Variants in GLCE observed in about 807,000 individuals in gnomAD.
The protein encoded by GLCE is glucuronic acid epimerase, also known as D-glucuronyl C5-epimerase.
In GLCE, 19 loss-of-function variants were observed where a neutral mutation model predicts 47.9. The observed-to-expected ratio is 0.40, with a 90% confidence interval of 0.28 to 0.58. GLCE has a LOEUF of 0.58. Ranked by LOEUF, GLCE falls within the 20% of genes least tolerant of loss-of-function variation. GLCE has a pLI of 0.48. For missense variants in GLCE, 556 were observed against 743.3 expected, an observed-to-expected ratio of 0.75 and a Z score of 2.93; for synonymous variants, 245 against 263.4, an observed-to-expected ratio of 0.93 and a Z score of 0.68.
chr15:69,229,698 C>G (rs1229234360), intron 2 of GLCE, among the ~76,000 whole-genome samples: 1 of 150,010 alleles, frequency 6.7e-6, no homozygotes, highest in African/African-American at 2.5e-5. Context: ...AAATTACTTA[C>G]CCAACAATGA....
chr15:69,209,835 C>T (rs1360263296), intron 1 of GLCE, among the ~76,000 whole-genome samples: 1 of 152,106 alleles, frequency 6.6e-6, no homozygotes, highest in African/African-American at 2.4e-5. Flanking sequence ...GGATTCACCA[C>T]ATCCTCTTGG....
At chr15:69,166,526 A>G (rs1308673424) in intron 1 of GLCE, among the ~76,000 whole-genome samples, 1 of 152,208 alleles carries the variant, frequency 6.6e-6, no homozygotes, top group Non-Finnish European at 1.5e-5. Flanking sequence ...ATGAGGAAGC[A>G]CACATGCAAG....
At position 69,269,802 on chromosome 15, in the gene GLCE, G is replaced by T. The variant is rs913666428; in HGVS notation, c.*558G>T. On this transcript the variant is annotated 3_prime_UTR_variant, in exon 5 of 5. Transcript: ENST00000261858. Reference sequence around the variant, plus strand: ...ATTTGTTGCATTTGTTCAATTTGTTGTATATGGTGAATATTTAATTATGGT... The same window carrying T: ...ATTTGTTGCATTTGTTCAATTTGTTTTATATGGTGAATATTTAATTATGGT... 4 of 152,610 alleles carry T rather than the reference G, an allele frequency of 2.6e-5. No homozygotes were observed. The highest frequency in any genetic ancestry group is 1.3e-4 in the Admixed American group (2 of 15,274). 9.5% of individuals were successfully genotyped at this position (152,610 alleles called of 1,614,324 possible).
intron 3 of GLCE, among the ~76,000 whole-genome samples, chr15:69,257,214 T>C (rs898655558): frequency 2.6e-5 from 4 of 152,226 alleles, no homozygotes; most frequent in Non-Finnish European, 4.4e-5. Context: ...ACCGAAGGAT[T>C]ATAGCCCACT....
chr15:69,204,330 T>A (rs1306442825), intron 1 of GLCE, among the ~76,000 whole-genome samples: 1 of 144,414 alleles, frequency 6.9e-6, no homozygotes, highest in Non-Finnish European at 1.5e-5. Flanking sequence ...TCACCCAGGC[T>A]GGAGTGCAGT....
intron 2 of GLCE, among the ~76,000 whole-genome samples, chr15:69,250,538 C>T (rs376493198): frequency 2.0e-5 from 3 of 151,842 alleles, no homozygotes; most frequent in East Asian, 1.9e-4. Flanking sequence ...GACAGGATCT[C>T]GCTGTGTTGC....
chr15:69,241,298 C>T (rs933816624), intron 2 of GLCE, among the ~76,000 whole-genome samples: 1 of 152,176 alleles, frequency 6.6e-6, no homozygotes, highest in Admixed American at 6.5e-5. Flanking sequence ...GATGAAGAAG[C>T]AACACATATT....
intron 1 of GLCE, chr15:69,196,924 T>C: frequency 5.1e-6 from 1 of 195,790 alleles, no homozygotes. Context: ...AGCTTGGTGG[T>C]TGGACTGAGA....
intron 4 of GLCE, among the ~76,000 whole-genome samples, chr15:69,263,755 G>A (rs1333323577): frequency 6.6e-6 from 1 of 151,946 alleles, no homozygotes; most frequent in Non-Finnish European, 1.5e-5. Flanking sequence ...TTCTCTTGGT[G>A]TTTCTTAAGA....
intron 1 of GLCE, among the ~76,000 whole-genome samples, chr15:69,181,888 G>A (rs954053585): frequency 6.6e-6 from 1 of 151,798 alleles, no homozygotes; most frequent in Non-Finnish European, 1.5e-5. Flanking sequence ...GGTAGTGGTG[G>A]TTAATGGGGA....
rs536728000 is a variant in GLCE, at chr15:69,244,289, A to G, written c.-13-11505A>G. ...ATGACTCTCATTTCTGTCCCTTTCT[A>G]ATATTAATATGGCATTTAATTATAC... On this transcript the variant is annotated intron_variant, in intron 2 of 4. Coordinates refer to ENST00000261858, the MANE Select transcript of GLCE (RefSeq NM_015554.3). Among the ~76,000 whole-genome samples the G allele has an allele frequency of 1.8e-4, 27 of 152,308 alleles. No homozygotes were observed. In the East Asian group the frequency reaches 4.4e-3, roughly 25 times the overall value.
In GLCE at chr15:69,226,491, G is replaced by A. The variant is rs149528469; in HGVS notation, c.-14+16085G>A. Among the ~76,000 whole-genome samples, 355 of 152,190 alleles carry A rather than the reference G, an allele frequency of 2.3e-3. 4 individuals carry two copies. Among genetic ancestry groups the A allele is most frequent in the Non-Finnish European group, 3.5e-3 (239 of 68,000 alleles). ...CAATTAGTCACTCCTAAAATGTAGC[G>A]TTTTTACTTTGTCCATAGTGTTTAT... On this transcript the variant is annotated intron_variant, in intron 2 of 4. Coordinates refer to ENST00000261858, the MANE Select transcript of GLCE (RefSeq NM_015554.3).
intron 2 of GLCE, 39 bp from the exon 3 acceptor site, chr15:69,255,755 T>C: frequency 2.5e-6 from 3 of 1,196,562 alleles, no homozygotes; most frequent in East Asian, 2.4e-5. Context: ...ATGCCGGTAG[T>C]ACATCTTTGC....
chr15:69,160,984 G>T lies in GLCE; in HGVS notation c.-105+227G>T, dbSNP rs1192522854. ...GTGTAGCGGGTGCCGGAGCTCCCGA[G>T]GTGAGGGGGCAATGTATTAGGGATC... On this transcript the variant is annotated intron_variant, in intron 1 of 4. Coordinates refer to ENST00000261858, the MANE Select transcript of GLCE (RefSeq NM_015554.3). This position sits in a 1 kb window ranked among gnomAD's most constrained non-coding sequence, Gnocchi z 4.2. Among the ~76,000 whole-genome samples, 1 of 151,960 alleles carries T rather than the reference G, an allele frequency of 6.6e-6. No homozygotes were observed. The highest frequency in any genetic ancestry group is 1.5e-5 in the Non-Finnish European group (1 of 67,926).
chr15:69,209,068 G>A (rs572327262), intron 1 of GLCE, among the ~76,000 whole-genome samples: 14 of 151,848 alleles, frequency 9.2e-5, no homozygotes, highest in Non-Finnish European at 1.0e-4. Context: ...AGCTCATTTA[G>A]TGAGCTTTTT....
chr15:69,219,394 A>AT (rs541627778), intron 2 of GLCE, among the ~76,000 whole-genome samples: 9 of 151,988 alleles, frequency 5.9e-5, no homozygotes, highest in Non-Finnish European at 1.2e-4. Context: ...ATAATTTAAT[A>AT]TTTTTTTTAA....
At chr15:69,195,188 T>TGGGAAATGTGTA (rs1467253369) in intron 1 of GLCE, among the ~76,000 whole-genome samples, 5 of 152,166 alleles carry the variant, frequency 3.3e-5, no homozygotes. Flanking sequence ...TGAAAGCACT[T>TGGGAAATGTGTA]GGGAAATGTG....
At chr15:69,212,002 C>G (rs2052239923) in intron 2 of GLCE, among the ~76,000 whole-genome samples, 2 of 151,932 alleles carry the variant, frequency 1.3e-5, no homozygotes, top group Middle Eastern at 3.4e-3. Context: ...CTTTTTGTGC[C>G]ATCACACATT....
chr15:69,263,066 G>C (rs1000166959), intron 4 of GLCE, among the ~76,000 whole-genome samples: 3 of 152,072 alleles, frequency 2.0e-5, no homozygotes, highest in Non-Finnish European at 2.9e-5. Context: ...GGAAGATCTG[G>C]AATTTTCCAC....
Sources: gnomAD v4.1 joint callset for allele counts (sites outside exome capture counted in the v4.1 genomes callset) on GRCh38, gnomAD v4.1.1 for gene constraint, Gnocchi (gnomAD v3.1) non-coding constraint, MANE v1.5 for transcripts, NCBI Gene and HGNC (gene_info 2026-07-23, HGNC 2026-07-21) for gene names.